Variants in ZNF618 observed in about 807,000 individuals in gnomAD.
The protein encoded by ZNF618 is zinc finger protein 618.
Under a neutral mutation model 103.0 loss-of-function variants are expected in ZNF618, and 34 were observed. The observed-to-expected ratio is 0.33, with a 90% CI of 0.25 to 0.44. The LOEUF is 0.44. Among genes scored for constraint, ZNF618 ranks in the 20% least tolerant of loss-of-function variants. ZNF618 has a pLI of 1.00. For missense variants in ZNF618, 1,059 were observed against 1,295.4 expected, an observed-to-expected ratio of 0.82 and a Z score of 2.80; for synonymous variants, 551 against 542.2, an observed-to-expected ratio of 1.02 and a Z score of -0.23.
intron 1 of ZNF618, among the ~76,000 whole-genome samples, chr9:113,903,387 C>A (rs1830714750): frequency 6.6e-6 from 1 of 152,072 alleles, no homozygotes; most frequent in Non-Finnish European, 1.5e-5. Flanking sequence ...CAACTGGGAG[C>A]CATTCATACT....
At chr9:113,936,398 G>A (rs937641527) in intron 1 of ZNF618, among the ~76,000 whole-genome samples, 5 of 152,234 alleles carry the variant, frequency 3.3e-5, no homozygotes, top group Non-Finnish European at 7.3e-5. Flanking sequence ...TTTATTTAGC[G>A]AGTAGTACAT....
At chr9:113,938,572 CTTTTT>C (rs71367741) in intron 1 of ZNF618, among the ~76,000 whole-genome samples, 3 of 136,712 alleles carry the variant, frequency 2.2e-5, no homozygotes, top group Non-Finnish European at 4.6e-5. Flanking sequence ...TTCTTTTTTT[CTTTTT>C]TTTTTTTTTG....
chr9:113,905,428 C>G (rs1265939827), intron 1 of ZNF618, among the ~76,000 whole-genome samples: 1 of 152,168 alleles, frequency 6.6e-6, no homozygotes, highest in Non-Finnish European at 1.5e-5. Context: ...GCAAATCAGG[C>G]TTGCCTTCTG....
At chr9:114,044,068 CTT>C (rs537763616) in intron 13 of ZNF618, among the ~76,000 whole-genome samples, 81 of 152,074 alleles carry the variant, frequency 5.3e-4, no homozygotes, top group Admixed American at 9.8e-4. Context: ...CCATCTATCT[CTT>C]TGTTTTTGGT....
intron 1 of ZNF618, among the ~76,000 whole-genome samples, chr9:113,967,764 G>A (rs1444309606): frequency 8.2e-6 from 1 of 122,464 alleles, no homozygotes; most frequent in African/African-American, 3.3e-5. Flanking sequence ...GGGAGCAAGT[G>A]TGGATGCCCG....
chr9:113,918,962 G>A (rs1191483100), intron 1 of ZNF618, among the ~76,000 whole-genome samples: 1 of 152,220 alleles, frequency 6.6e-6, no homozygotes, highest in Non-Finnish European at 1.5e-5. Flanking sequence ...GGAAGACTCA[G>A]TGGCCACCTT....
chr9:113,989,320 C>T (rs559388754), intron 3 of ZNF618, among the ~76,000 whole-genome samples: 44 of 152,324 alleles, frequency 2.9e-4, no homozygotes, highest in African/African-American at 1.0e-3. Flanking sequence ...GGTGGGGATA[C>T]GGCTCAGCGT....
chr9:114,026,974 A>T (rs77198048), intron 10 of ZNF618, among the ~76,000 whole-genome samples: 8,955 of 152,208 alleles, frequency 0.059, 368 homozygotes, highest in Non-Finnish European at 0.087. Context: ...CTCCAGACTC[A>T]AGGCTGGTTC....
chr9:113,951,858 G>A (rs928639613), intron 1 of ZNF618, among the ~76,000 whole-genome samples: 10 of 151,908 alleles, frequency 6.6e-5, no homozygotes, highest in African/African-American at 1.5e-4. Flanking sequence ...TGCTGACACC[G>A]TTTCCCTTTG....
At chr9:113,966,032 A>G (rs1799417849) in intron 1 of ZNF618, among the ~76,000 whole-genome samples, 3 of 152,158 alleles carry the variant, frequency 2.0e-5, no homozygotes, top group African/African-American at 4.8e-5. Flanking sequence ...CGACTCGTTC[A>G]TCTTATACAT....
chr9:114,005,543 A>G (rs948769357), intron 6 of ZNF618, among the ~76,000 whole-genome samples: 3 of 152,294 alleles, frequency 2.0e-5, no homozygotes, highest in Middle Eastern at 3.4e-3. Context: ...GAGGCTGGGT[A>G]GAGACAAGCA....
At chr9:113,944,524 C>G (rs1231440340) in intron 1 of ZNF618, among the ~76,000 whole-genome samples, 1 of 152,164 alleles carries the variant, frequency 6.6e-6, no homozygotes, top group Admixed American at 6.5e-5. Flanking sequence ...AGTGATCTGC[C>G]CACCTTGTCT....
chr9:113,982,175 A>G (rs1249925852), intron 2 of ZNF618, among the ~76,000 whole-genome samples: 3 of 152,244 alleles, frequency 2.0e-5, no homozygotes, highest in Non-Finnish European at 4.4e-5. Flanking sequence ...CTGTTTCTTC[A>G]AATTTCATGT....
chr9:114,041,597 A>G (rs549707467), intron 13 of ZNF618, among the ~76,000 whole-genome samples: 214 of 152,254 alleles, frequency 1.4e-3, no homozygotes, highest in African/African-American at 5.0e-3. Flanking sequence ...TCCTTTCCCC[A>G]TTTCTTGTTT....
rs186991226 is a variant in ZNF618, at chr9:113,893,342, T to C, written c.33+16929T>C. Reference sequence around the variant, plus strand: ...GATGGAATATGATAGTTGTGGCTTATCTGAAATGTTTCCCTGGCTGCAGTT... The same window carrying C: ...GATGGAATATGATAGTTGTGGCTTACCTGAAATGTTTCCCTGGCTGCAGTT... On this transcript the variant is annotated intron_variant, in intron 1 of 14. Transcript: ENST00000374126. Among the ~76,000 whole-genome samples the C allele has an allele frequency of 1.1e-3, 160 of 152,360 alleles. 2 individuals are homozygous for C. Among genetic ancestry groups the C allele is most frequent in the Admixed American group, 0.01 (158 of 15,300 alleles).
intron 1 of ZNF618, among the ~76,000 whole-genome samples, chr9:113,897,144 G>A (rs1006296054): frequency 3.3e-5 from 5 of 151,952 alleles, no homozygotes; most frequent in African/African-American, 9.7e-5. Flanking sequence ...ACTTACCCCC[G>A]TTTATATTTA....
At chr9:114,010,312 A>C (rs1232397955) in intron 9 of ZNF618, among the ~76,000 whole-genome samples, 1 of 151,328 alleles carries the variant, frequency 6.6e-6, no homozygotes, top group African/African-American at 2.4e-5. Context: ...AAAAAAAAAA[A>C]AAAAAAAGAT....
intron 9 of ZNF618, among the ~76,000 whole-genome samples, chr9:114,010,015 A>G (rs1251628912): frequency 6.6e-6 from 1 of 152,238 alleles, no homozygotes; most frequent in Middle Eastern, 3.2e-3. Flanking sequence ...ATCATCTTAA[A>G]GATGAAGAAT....
intron 11 of ZNF618, among the ~76,000 whole-genome samples, chr9:114,032,255 C>T (rs374296097): frequency 2.0e-4 from 30 of 152,330 alleles, no homozygotes; most frequent in African/African-American, 4.6e-4. Flanking sequence ...CGGTGGGGCC[C>T]GTGGCAGCAG....
Sources: gnomAD v4.1 joint callset for allele counts (sites outside exome capture counted in the v4.1 genomes callset) on GRCh38, gnomAD v4.1.1 for gene constraint, MANE v1.5 for transcripts, NCBI Gene and HGNC (gene_info 2026-07-23, HGNC 2026-07-21) for gene names.